WDPCP: variants seen among roughly 807,000 people sequenced by gnomAD.
WDPCP encodes WD repeat-containing and planar cell polarity effector protein fritz homolog.
Under a neutral mutation model 93.1 loss-of-function variants are expected in WDPCP, and 71 were observed. That is an observed-to-expected ratio of 0.76 (90% CI 0.63 to 0.93). The LOEUF is 0.93. Among genes scored for constraint, WDPCP ranks in the 40% least tolerant of loss-of-function variants. The pLI is 0.00. For synonymous variants in WDPCP, 315 were observed against 315.0 expected, an observed-to-expected ratio of 1.00 and a Z score of 0.00; for missense variants, 844 against 887.4, an observed-to-expected ratio of 0.95 and a Z score of 0.62.
chr2:63,310,752 T>C (rs1686123078), intron 13 of WDPCP, among the ~76,000 whole-genome samples: 1 of 152,122 alleles, frequency 6.6e-6, no homozygotes, highest in South Asian at 2.1e-4. Flanking sequence ...TTAGCTCCTT[T>C]GGAGGCTAAG....
intron 3 of WDPCP, among the ~76,000 whole-genome samples, chr2:63,602,996 G>T (rs1431641114): frequency 9.3e-6 from 1 of 107,052 alleles, no homozygotes. Context: ...GTCTCGCCCT[G>T]TCGCCTAGGC....
intron 1 of WDPCP, among the ~76,000 whole-genome samples, chr2:63,539,768 GTA>G (rs1704574114): frequency 6.6e-6 from 1 of 152,106 alleles, no homozygotes; most frequent in Non-Finnish European, 1.5e-5. Flanking sequence ...TTTCTTTCCA[GTA>G]AACTATTCTA....
At chr2:63,734,714 T>C (rs1311519685) in intron 2 of WDPCP, among the ~76,000 whole-genome samples, 1 of 152,170 alleles carries the variant, frequency 6.6e-6, no homozygotes, top group African/African-American at 2.4e-5. Context: ...CATGGCAAAA[T>C]GCATGAAAGA....
intron 2 of WDPCP, among the ~76,000 whole-genome samples, chr2:63,755,603 A>T (rs924219415): frequency 6.6e-6 from 1 of 152,174 alleles, no homozygotes; most frequent in Middle Eastern, 3.4e-3. Context: ...TAATGCTTAA[A>T]TTTTTTTTCT....
At chr2:63,604,769 A>G (rs1448689140) in intron 3 of WDPCP, 1 of 1,614,168 alleles carries the variant, frequency 6.2e-7, no homozygotes. Flanking sequence ...TCCTCGACTC[A>G]GTATCCAGAT....
chr2:63,237,016 C>A (rs1482263360), intron 14 of WDPCP, among the ~76,000 whole-genome samples: 1 of 151,620 alleles, frequency 6.6e-6, no homozygotes, highest in African/African-American at 2.4e-5. Flanking sequence ...TTCTGCACAG[C>A]AAAAGAAACT....
intron 2 of WDPCP, among the ~76,000 whole-genome samples, chr2:63,675,228 T>C (rs184703156): frequency 2.6e-4 from 40 of 152,268 alleles, no homozygotes; most frequent in Non-Finnish European, 4.6e-4. Context: ...GCCTCCTTCA[T>C]TGGGACTCTT....
At chr2:63,369,594 A>C in intron 12 of WDPCP, 1 of 446,306 alleles carries the variant, frequency 2.2e-6, no homozygotes, top group Non-Finnish European at 4.5e-6. Flanking sequence ...GAAAAAAATA[A>C]CTAATGTCTA....
intron 1 of WDPCP, among the ~76,000 whole-genome samples, chr2:63,514,263 A>C (rs555360164): frequency 2.6e-5 from 4 of 152,056 alleles, no homozygotes; most frequent in Non-Finnish European, 5.9e-5. Flanking sequence ...GATTTTTTTA[A>C]GTGCCCCACC....
chr2:63,217,627 C>G (rs961893144), intron 14 of WDPCP, among the ~76,000 whole-genome samples: 26 of 152,268 alleles, frequency 1.7e-4, no homozygotes, highest in African/African-American at 4.8e-4. Context: ...TGAACTAAAA[C>G]TTTACCTCTC....
chr2:63,513,716 A>C (rs901654537), intron 1 of WDPCP, among the ~76,000 whole-genome samples: 10 of 152,180 alleles, frequency 6.6e-5, no homozygotes, highest in African/African-American at 2.4e-4. Context: ...CAGAGAGGCC[A>C]AGATAAATCT....
chr2:63,581,006 G>C (rs1708460093), intron 1 of WDPCP, among the ~76,000 whole-genome samples: 1 of 152,140 alleles, frequency 6.6e-6, no homozygotes, highest in Non-Finnish European at 1.5e-5. Context: ...GGGGGCCTTA[G>C]AAGTTCTTTT....
chr2:63,564,902 C>T (rs972397709), intron 1 of WDPCP, among the ~76,000 whole-genome samples: 3 of 151,854 alleles, frequency 2.0e-5, no homozygotes, highest in African/African-American at 7.3e-5. Context: ...CTCAGCCTCC[C>T]GAGTTGTCAG....
chr2:63,276,094 T>C (rs544016076), intron 13 of WDPCP, among the ~76,000 whole-genome samples: 1 of 152,268 alleles, frequency 6.6e-6, no homozygotes, highest in East Asian at 1.9e-4. Flanking sequence ...CAGAGCCCAG[T>C]AGCTCCACTG....
chr2:63,280,964 A>C (rs188079982), intron 13 of WDPCP, among the ~76,000 whole-genome samples: 5 of 152,314 alleles, frequency 3.3e-5, no homozygotes, highest in Admixed American at 3.3e-4. Context: ...AACAAAAACA[A>C]AGATAAGTAG....
chr2:63,724,038 A>G (rs1273148771), intron 2 of WDPCP, among the ~76,000 whole-genome samples: 3 of 152,196 alleles, frequency 2.0e-5, no homozygotes, highest in Non-Finnish European at 2.9e-5. Flanking sequence ...CAACCTACAC[A>G]TCTAGCATAT....
chr2:63,599,257 T>C (rs1308844673), intron 3 of WDPCP: 1 of 1,613,700 alleles, frequency 6.2e-7, no homozygotes, highest in East Asian at 2.2e-5. Flanking sequence ...CTTCAGTTGC[T>C]TGACTCGTTT....
At chr2:63,691,499 G>A (rs1486212720) in intron 2 of WDPCP, among the ~76,000 whole-genome samples, 1 of 152,146 alleles carries the variant, frequency 6.6e-6, no homozygotes, top group Non-Finnish European at 1.5e-5. Context: ...GCTGGGCGTG[G>A]TGGTGGGCAC....
At chr2:63,397,062 G>T (rs1256199604) in intron 10 of WDPCP, among the ~76,000 whole-genome samples, 3 of 152,254 alleles carry the variant, frequency 2.0e-5, no homozygotes, top group Admixed American at 6.5e-5. Flanking sequence ...GCACTCAGGG[G>T]ATTAACTGCG....
Sources: gnomAD v4.1 joint callset for allele counts (sites outside exome capture counted in the v4.1 genomes callset) on GRCh38, gnomAD v4.1.1 for gene constraint, MANE v1.5 for transcripts, NCBI Gene and HGNC (gene_info 2026-07-23, HGNC 2026-07-21) for gene names.